SLC6A6: variants seen among roughly 807,000 people sequenced by gnomAD.
SLC6A6 encodes the protein sodium- and chloride-dependent taurine transporter.
In SLC6A6, 16 loss-of-function variants were observed where a neutral mutation model predicts 68.8. That is an observed-to-expected ratio of 0.23 (90% confidence interval 0.16 to 0.35). SLC6A6 has a LOEUF of 0.35. SLC6A6 is among the 10% of genes least tolerant of loss of function. The pLI is 1.00. For synonymous variants in SLC6A6, 312 were observed against 315.4 expected (o/e 0.99, Z 0.12); for missense variants, 474 against 802.8 (o/e 0.59, Z 4.95).
In SLC6A6 at chr3:14,481,577, C is replaced by A; in HGVS notation, c.1552-94C>A. On this transcript the variant is annotated intron_variant, in intron 13 of 14. Coordinates refer to ENST00000622186, the MANE Select transcript of SLC6A6 (RefSeq NM_003043.6). The surrounding 1 kb of genome is among the most constrained non-coding windows in gnomAD (Gnocchi z 4.7). ...GCCAGTCCTTTCCCAAGGAGAGAGA[C>A]CCTTCCCTCAGGTTGAGGCCAGTCC... The A allele has an allele frequency of 1.2e-6, 1 of 805,582 alleles. No individual in the cohort carries two copies. Among genetic ancestry groups the A allele is most frequent in the Non-Finnish European group, 2.1e-6 (1 of 486,448 alleles). 49.9% of individuals were successfully genotyped at this position (805,582 alleles called of 1,614,324 possible).
At chr3:14,463,914 G>A (rs1200797652) in intron 6 of SLC6A6, among the ~76,000 whole-genome samples, 6 of 152,220 alleles carry the variant, frequency 3.9e-5, no homozygotes, top group African/African-American at 1.4e-4. Flanking sequence ...CTCACCGCAG[G>A]CCAGGGGCCA....
chr3:14,428,360 C>T (rs922623602), intron 2 of SLC6A6, among the ~76,000 whole-genome samples: 1 of 152,222 alleles, frequency 6.6e-6, no homozygotes, highest in Non-Finnish European at 1.5e-5. Context: ...CTCAGCAGGG[C>T]CTCGGCTCAG....
In SLC6A6 at chr3:14,472,388, C is replaced by G. The variant is rs1296167645; in HGVS notation, c.1209+71C>G. ...CTGACTCTGGGAAAGACTCCTTATT[C>G]CACCTGGGAGGTGGTCAACCCCCTT... On this transcript the variant is annotated intron_variant, in intron 10 of 14. Coordinates refer to ENST00000622186, the MANE Select transcript of SLC6A6 (RefSeq NM_003043.6). This position sits in a 1 kb window ranked among gnomAD's most constrained non-coding sequence, Gnocchi z 4.5. The G allele has an allele frequency of 2.0e-5, 19 of 945,690 alleles. No homozygotes were observed. The highest frequency in any genetic ancestry group is 3.1e-5 in the Non-Finnish European group (18 of 580,670). The allele number at this position is 945,690 out of a possible 1,614,324, so 58.6% of individuals were successfully genotyped here.
chr3:14,468,271 A>C lies in SLC6A6; in HGVS notation c.1096+59A>C, dbSNP rs531088904. 2.0e-5 allele frequency: 31 copies of C among 1,526,914 alleles called. No individual in the cohort carries two copies. In the Admixed American group the frequency reaches 4.2e-4, roughly 21 times the overall value. The allele number at this position is 1,526,914 out of a possible 1,614,324, so 94.6% of individuals were successfully genotyped here. ...CTGCCACCTAGTGTGTAAGCCAAGT[A>C]CTGCAGGCATGAAGCCAGACCCCAG... On this transcript the variant is annotated intron_variant, in intron 9 of 14. Transcript: ENST00000622186. The surrounding 1 kb of genome is among the most constrained non-coding windows in gnomAD (Gnocchi z 4.5).
intron 2 of SLC6A6, among the ~76,000 whole-genome samples, chr3:14,424,887 T>C (rs900615796): frequency 2.0e-5 from 3 of 152,092 alleles, no homozygotes; most frequent in Admixed American, 2.0e-4. Flanking sequence ...CACGGCGCTA[T>C]TGAAGGAAGC....
At chr3:14,432,037 C>G (rs943851893) in intron 2 of SLC6A6, among the ~76,000 whole-genome samples, 2 of 152,154 alleles carry the variant, frequency 1.3e-5, no homozygotes, top group Non-Finnish European at 2.9e-5. Context: ...ACTGTGGCAT[C>G]CGGCAGAGCC....
rs1062540 is a variant in SLC6A6, at chr3:14,485,030, G to A, written c.*23G>A. 721,729 of 1,581,510 alleles carry A rather than the reference G, an allele frequency of 0.46. 177,060 individuals carry two copies. Among genetic ancestry groups the A allele is most frequent in the Non-Finnish European group, 0.51 (591,478 of 1,156,514 alleles). On this transcript the variant is annotated 3_prime_UTR_variant, in exon 15 of 15. Transcript: ENST00000622186. ...TGAGCTCTCTCGGGTCGACGGGGCC[G>A]GCGGCTTTCCTGCTGTTTACTAACA...
At chr3:14,411,987 C>T (rs191718327) in intron 1 of SLC6A6, among the ~76,000 whole-genome samples, 23 of 152,320 alleles carry the variant, frequency 1.5e-4, no homozygotes, top group Admixed American at 1.2e-3. Flanking sequence ...CTTAGAATAC[C>T]CCTGTCCTCT....
intron 2 of SLC6A6, among the ~76,000 whole-genome samples, chr3:14,426,910 T>C (rs945104217): frequency 9.2e-5 from 14 of 152,144 alleles, no homozygotes; most frequent in Non-Finnish European, 1.9e-4. Flanking sequence ...TGGCAGGGCC[T>C]CCCAGAAACG....
intron 9 of SLC6A6, among the ~76,000 whole-genome samples, chr3:14,469,353 T>C (rs3773174): frequency 0.093 from 14,213 of 152,046 alleles, 946 homozygotes; most frequent in African/African-American, 0.17. Context: ...CACCATAGAC[T>C]AGGGCCAGAC....
intron 1 of SLC6A6, chr3:14,410,939 C>G (rs1435051863): frequency 6.6e-6 from 1 of 152,222 alleles, no homozygotes; most frequent in African/African-American, 2.4e-5. Flanking sequence ...CTCTCTTGCC[C>G]CAAGGCTAGT....
At chr3:14,425,589 G>A (rs1329584618) in intron 2 of SLC6A6, among the ~76,000 whole-genome samples, 3 of 151,230 alleles carry the variant, frequency 2.0e-5, no homozygotes, top group Middle Eastern at 3.4e-3. Flanking sequence ...AAAGGGAACC[G>A]TTTTCAGATG....
At chr3:14,417,939 C>T (rs1208324223) in intron 2 of SLC6A6, among the ~76,000 whole-genome samples, 2 of 152,138 alleles carry the variant, frequency 1.3e-5, no homozygotes, top group African/African-American at 4.8e-5. Flanking sequence ...TAAGGGATGT[C>T]TCCTTCGCTG....
Position 14,477,374 on chromosome 3 carries a change from T to A in SLC6A6, c.1347+32T>A, listed in dbSNP as rs2124994457. On this transcript the variant is annotated intron_variant, in intron 11 of 14. Coordinates refer to ENST00000622186, the MANE Select transcript of SLC6A6 (RefSeq NM_003043.6). The surrounding 1 kb of genome is among the most constrained non-coding windows in gnomAD (Gnocchi z 4.2). The stretch of plus-strand genomic sequence containing the variant: ...GGCTCTCTCAGCTGTGTTTCAGGCT[T>A]GGTGCTCCAGTGCCCTCCTCAAGGC... The A allele has an allele frequency of 1.2e-6, 2 of 1,610,946 alleles. No individual in the cohort carries two copies. The highest frequency in any genetic ancestry group is 1.7e-6 in the Non-Finnish European group (2 of 1,177,876).
At chr3:14,405,299 C>T (rs1699082107) in intron 1 of SLC6A6, among the ~76,000 whole-genome samples, 1 of 152,186 alleles carries the variant, frequency 6.6e-6, no homozygotes, top group Non-Finnish European at 1.5e-5. Context: ...GGGGTCAGCC[C>T]TCCACAAGGC....
intron 1 of SLC6A6, among the ~76,000 whole-genome samples, chr3:14,404,696 C>T (rs1699066523): frequency 1.3e-5 from 2 of 152,238 alleles, no homozygotes; most frequent in African/African-American, 4.8e-5. Flanking sequence ...GTGCCGGCCT[C>T]ACTACGTCCT....
rs140669932 is a variant in SLC6A6 at position 14,409,406 on chromosome 3, T to C, written c.-54+6559T>C. Among the ~76,000 whole-genome samples the C allele has an allele frequency of 3.9e-5, 6 of 152,350 alleles. No homozygotes were observed. The East Asian group carries it at 9.7e-4, about 25-fold the overall frequency. On this transcript the variant is annotated intron_variant, in intron 1 of 14. Coordinates refer to ENST00000622186, the MANE Select transcript of SLC6A6 (RefSeq NM_003043.6). ...GGAAGGAACTCATATTTATTGAGCA[T>C]CCACGGTGCTTTATCCCCCTTCCTG... is the stretch of plus-strand genomic sequence containing the variant.
chr3:14,455,837 T>C (rs978297090), intron 5 of SLC6A6, among the ~76,000 whole-genome samples: 2 of 152,208 alleles, frequency 1.3e-5, no homozygotes, highest in African/African-American at 4.8e-5. Context: ...TGGGATGTGG[T>C]TGGCCGCCAG....
intron 13 of SLC6A6, among the ~76,000 whole-genome samples, 160 bp downstream of exon 13, chr3:14,479,345 G>T (rs1049386775): frequency 6.6e-6 from 1 of 152,232 alleles, no homozygotes; most frequent in African/African-American, 2.4e-5. Flanking sequence ...CTGCTCCAGG[G>T]AGTTAGCTTG....
Sources: gnomAD v4.1 joint callset for allele counts (sites outside exome capture counted in the v4.1 genomes callset) on GRCh38, gnomAD v4.1.1 for gene constraint, Gnocchi (gnomAD v3.1) non-coding constraint, MANE v1.5 for transcripts, NCBI Gene and HGNC (gene_info 2026-07-23, HGNC 2026-07-21) for gene names.